Variants in SLC30A9 observed in about 807,000 individuals in gnomAD.
SLC30A9 encodes proton-coupled zinc antiporter SLC30A9, mitochondrial.
SLC30A9 carries 58 observed loss-of-function variants against 87.5 expected under a neutral mutation model. The observed-to-expected ratio is 0.66, with a 90% CI of 0.54 to 0.82. SLC30A9 has a LOEUF of 0.82. SLC30A9 is among the 40% of genes least tolerant of loss of function. SLC30A9 has a pLI of 0.00. For missense variants in SLC30A9, 557 were observed against 679.1 expected (o/e 0.82, Z 2.00); for synonymous variants, 234 against 233.0 (o/e 1.00, Z -0.04).
intron 1 of SLC30A9, among the ~76,000 whole-genome samples, chr4:41,993,452 A>T (rs1256916757): frequency 6.6e-6 from 1 of 152,210 alleles, no homozygotes; most frequent in African/African-American, 2.4e-5. Flanking sequence ...TTCCAGTAGG[A>T]AAATGGACAA....
At chr4:42,045,142 A>G (rs1183856446) in intron 8 of SLC30A9, among the ~76,000 whole-genome samples, 2 of 152,202 alleles carry the variant, frequency 1.3e-5, no homozygotes, top group Non-Finnish European at 2.9e-5. Context: ...TAACATCACA[A>G]TGAAAAGAAC....
intron 17 of SLC30A9, among the ~76,000 whole-genome samples, chr4:42,082,614 A>AAGGCGGGTGGATC (rs1718781834): frequency 6.6e-6 from 1 of 152,164 alleles, no homozygotes; most frequent in African/African-American, 2.4e-5. Flanking sequence ...TTGGGAGGCC[A>AAGGCGGGTGGATC]AGGCGGGTGG....
Position 42,019,313 on chromosome 4 carries a change from A to G in SLC30A9, c.335-1103A>G, listed in dbSNP as rs545457939. 3.9e-5 allele frequency among the ~76,000 whole-genome samples: 6 copies of G among 152,294 alleles called. No homozygotes were observed. In the South Asian group the frequency reaches 1.2e-3, roughly 32 times the overall value. ...TTTGCTTATTTATCTCTATCATATG[A>G]CCAAAAGTCTCACCTTATAATGATT... On this transcript the variant is annotated intron_variant, in intron 3 of 17. Transcript: ENST00000264451.
chr4:42,015,394 G>A (rs140063856), intron 2 of SLC30A9, among the ~76,000 whole-genome samples: 2,428 of 152,062 alleles, frequency 0.016, 32 homozygotes, highest in South Asian at 0.022. Context: ...AAAAATAAAA[G>A]CAAAGAAAAC....
chr4:42,029,425 T>A, intron 6 of SLC30A9: 1 of 570,784 alleles, frequency 1.8e-6, no homozygotes, highest in Non-Finnish European at 3.4e-6. Context: ...GAACCACATA[T>A]CAGGACCCCC....
At chr4:42,042,538 G>A (rs1002908021) in intron 8 of SLC30A9, among the ~76,000 whole-genome samples, 2 of 152,128 alleles carry the variant, frequency 1.3e-5, no homozygotes, top group African/African-American at 4.8e-5. Context: ...TTCTCTCTGG[G>A]CAGGGCATCT....
intron 7 of SLC30A9, 50 bp from the exon 8 acceptor site, chr4:42,038,936 T>G: frequency 7.3e-7 from 1 of 1,369,638 alleles, no homozygotes; most frequent in Non-Finnish European, 1.0e-6. Flanking sequence ...GTTACAGTGC[T>G]TCTCTGCAAA....
Position 42,065,329 on chromosome 4 carries a change from G to A in SLC30A9, c.1052G>A (p.Gly351Glu), listed in dbSNP as rs772849863. The change falls in exon 12 of 18, where the codon GGA (glycine) becomes GAA (glutamate). Residue 351 changes from glycine to glutamate, a missense_variant. Around this residue, in one of 2 missense-constraint regions of SLC30A9, gnomAD observed 467 missense variants for 529.8 expected, o/e 0.88. Coordinates refer to ENST00000264451, the MANE Select transcript of SLC30A9 (RefSeq NM_006345.4). The stretch of plus-strand genomic sequence containing the variant: ...TTCTAGGCATATTGTATTTTAGCAG[G>A]ATCATTAGTATCTGAAGGAGGTATG... ...SLLWAYCILA[G>E]SLVSEGATLL... The A allele has an allele frequency of 7.3e-7, 1 of 1,372,892 alleles. No individual in the cohort carries two copies. Among genetic ancestry groups the A allele is most frequent in the Non-Finnish European group, 1.0e-6 (1 of 963,694 alleles). 85.0% of individuals were successfully genotyped at this position (1,372,892 alleles called of 1,614,324 possible). A position where few individuals can be genotyped will look rare whatever the true frequency, so the allele number is the denominator to read the frequency against.
At chr4:42,079,769 G>C (rs1157703742) in intron 17 of SLC30A9, among the ~76,000 whole-genome samples, 1 of 151,628 alleles carries the variant, frequency 6.6e-6, no homozygotes, top group African/African-American at 2.4e-5. Context: ...CACCACGCCT[G>C]GCTAATTTTT....
At chr4:42,023,435 G>A (rs1326608502) in intron 6 of SLC30A9, 51 bp downstream of exon 6, 1 of 1,189,720 alleles carries the variant, frequency 8.4e-7, no homozygotes, top group Non-Finnish European at 1.3e-6. Flanking sequence ...ACTTGTAGAT[G>A]AGAACTGTAT....
At chr4:42,033,064 C>G (rs894908554) in intron 6 of SLC30A9, among the ~76,000 whole-genome samples, 3 of 152,032 alleles carry the variant, frequency 2.0e-5, no homozygotes, top group Admixed American at 2.0e-4. Flanking sequence ...ATGTATAGTT[C>G]AATTTCTGTG....
At chr4:42,041,953 G>A (rs887355933) in intron 8 of SLC30A9, among the ~76,000 whole-genome samples, 1 of 152,200 alleles carries the variant, frequency 6.6e-6, no homozygotes, top group Non-Finnish European at 1.5e-5. Context: ...GGTAGTGCAA[G>A]GGGTCGGGGA....
Position 42,086,893 on chromosome 4 carries a change from T to C in SLC30A9, c.*767T>C, listed in dbSNP as rs1294025127. 1.3e-5 allele frequency: 2 copies of C among 152,342 alleles called. No individual in the cohort carries two copies. Among genetic ancestry groups the C allele is most frequent in the Non-Finnish European group, 2.9e-5 (2 of 68,040 alleles). The allele number at this position is 152,342 out of a possible 1,614,324, so 9.4% of individuals were successfully genotyped here. On this transcript the variant is annotated 3_prime_UTR_variant, in exon 18 of 18. Coordinates refer to ENST00000264451, the MANE Select transcript of SLC30A9 (RefSeq NM_006345.4). ...TTTCCATGGGCCAGTGTGATGACTT[T>C]TTTTTAAATGAGGTTCAGTACCATA...
intron 12 of SLC30A9, 143 bp from the exon 13 acceptor site, chr4:42,066,407 A>G: frequency 2.1e-6 from 1 of 474,886 alleles, no homozygotes; most frequent in African/African-American, 2.0e-5. Flanking sequence ...TTAATTGATA[A>G]CAACTAATTA....
chr4:42,049,399 A>G lies in SLC30A9; in HGVS notation c.760A>G (p.Lys254Glu). 6.2e-7 allele frequency: 1 copy of G among 1,610,456 alleles called. No individual in the cohort carries two copies. The highest frequency in any genetic ancestry group is 1.1e-5 in the South Asian group (1 of 90,560). The change falls in exon 9 of 18, where the codon AAA becomes GAA. Residue 254 changes from lysine (K) to glutamate (E), a missense_variant. This residue lies in a region of SLC30A9 where 467 missense variants were observed against 529.8 expected (regional missense o/e 0.88). Transcript: ENST00000264451. ...TAGCAATGGATTAAACTGCTTCTTT[A>G]AATTTCTTGCCTGGATTTATACCGG... ...ICINGLNCFF[K>E]FLAWIYTGSA...
At chr4:42,015,597 C>T (rs73233797) in intron 2 of SLC30A9, among the ~76,000 whole-genome samples, 12,789 of 152,188 alleles carry the variant, frequency 0.084, 716 homozygotes, top group Middle Eastern at 0.14. Context: ...TGCTCAAGGA[C>T]TTTGCTTTTG....
intron 13 of SLC30A9, 47 bp from the exon 14 acceptor site, chr4:42,067,038 T>TTAAG (rs1236333814): frequency 8.8e-7 from 1 of 1,132,564 alleles, no homozygotes; most frequent in Admixed American, 1.7e-5. Flanking sequence ...TAGTATCAAG[T>TTAAG]TAAGATTTTA....
Position 42,049,339 on chromosome 4 carries a change from C to T in SLC30A9, c.738-38C>T, listed in dbSNP as rs535581772. On this transcript the variant is annotated intron_variant, in intron 8 of 17. Transcript: ENST00000264451. ...GTATGCTTTTGGCTTAAATTTTTGT[C>T]CAAACCTATGCTAAATTGTTTTCTC... The T allele has an allele frequency of 1.4e-5, 20 of 1,396,868 alleles. No individual in the cohort carries two copies. The African/African-American group carries it at 2.4e-4, about 17-fold the overall frequency. 86.5% of individuals were successfully genotyped at this position (1,396,868 alleles called of 1,614,324 possible). A position where few individuals can be genotyped will look rare whatever the true frequency, so the allele number is the denominator to read the frequency against.
At chr4:42,023,653 G>A (rs1277795606) in intron 6 of SLC30A9, among the ~76,000 whole-genome samples, 2 of 152,160 alleles carry the variant, frequency 1.3e-5, no homozygotes, top group Non-Finnish European at 2.9e-5. Flanking sequence ...AAACTTATCT[G>A]ATTTAAAGAT....
Sources: gnomAD v4.1 joint callset for allele counts (sites outside exome capture counted in the v4.1 genomes callset) on GRCh38, gnomAD v4.1.1 for gene constraint, gnomAD v4.1.1 regional missense constraint, MANE v1.5 for transcripts, NCBI Gene and HGNC (gene_info 2026-07-23, HGNC 2026-07-21) for gene names.